RBFOX1: variants seen among roughly 807,000 people sequenced by gnomAD.
RBFOX1 encodes the protein RNA binding fox-1 homolog 1, also known as RNA binding protein fox-1 homolog 1.
Under a neutral mutation model 57.7 loss-of-function variants are expected in RBFOX1, and 8 were observed. The ratio of observed to expected loss-of-function variants is 0.14; its 90% CI spans 0.08 to 0.25. RBFOX1 has a LOEUF of 0.25. Among genes scored for constraint, RBFOX1 ranks in the 10% least tolerant of loss-of-function variants. The pLI, the probability that RBFOX1 is intolerant of heterozygous loss-of-function variation, is 1.00. For synonymous variants in RBFOX1, 326 were observed against 222.4 expected, an observed-to-expected ratio of 1.47 and a Z score of -4.15; for missense variants, 611 against 548.5, an observed-to-expected ratio of 1.11 and a Z score of -1.14.
intron 11 of RBFOX1, among the ~76,000 whole-genome samples, chr16:7,649,899 G>A (rs866104427): frequency 2.0e-5 from 3 of 151,988 alleles, no homozygotes; most frequent in Admixed American, 2.0e-4. Flanking sequence ...ATTCCAAAGT[G>A]ACTGAAAGGA....
chr16:7,700,838 G>C (rs1200643762), intron 14 of RBFOX1, among the ~76,000 whole-genome samples: 1 of 151,962 alleles, frequency 6.6e-6, no homozygotes, highest in East Asian at 1.9e-4. Context: ...TTCAGAATAG[G>C]AAGAGGTTTT....
chr16:6,992,438 G>C (rs904575411), intron 3 of RBFOX1, among the ~76,000 whole-genome samples: 2 of 152,002 alleles, frequency 1.3e-5, no homozygotes, highest in Non-Finnish European at 2.9e-5. Flanking sequence ...GGCTGGTCTT[G>C]AACTCTTGAT....
At chr16:5,964,831 T>C (rs2152292214) in intron 4 of RBFOX1, among the ~76,000 whole-genome samples, 1 of 152,208 alleles carries the variant, frequency 6.6e-6, no homozygotes, top group South Asian at 2.1e-4. Context: ...TATACACGTA[T>C]ATACACACAC....
intron 3 of RBFOX1, among the ~76,000 whole-genome samples, chr16:6,792,367 G>T (rs1298972669): frequency 6.6e-6 from 1 of 152,100 alleles, no homozygotes; most frequent in Non-Finnish European, 1.5e-5. Context: ...TTCTATAATT[G>T]CATATCTTTA....
At chr16:5,528,387 G>T (rs28371872) in intron 2 of RBFOX1, among the ~76,000 whole-genome samples, 55,591 of 151,602 alleles carry the variant, frequency 0.37, 11,609 homozygotes, top group East Asian at 0.85. Context: ...AGTATGTGTT[G>T]CACATTTACG....
chr16:6,929,470 T>G (rs56303681), intron 3 of RBFOX1, among the ~76,000 whole-genome samples: 9,905 of 152,188 alleles, frequency 0.065, 1,090 homozygotes, highest in African/African-American at 0.23. Flanking sequence ...TTTTCTGTAT[T>G]CTAAGCAGTT....
chr16:5,553,130 C>A (rs532257657), intron 2 of RBFOX1, among the ~76,000 whole-genome samples: 1 of 151,942 alleles, frequency 6.6e-6, no homozygotes, highest in South Asian at 2.1e-4. Context: ...CCGGGCCTGT[C>A]GAGGGGTGAC....
chr16:6,297,508 G>A (rs571020068), intron 1 of RBFOX1, among the ~76,000 whole-genome samples: 28 of 152,184 alleles, frequency 1.8e-4, no homozygotes, highest in East Asian at 9.7e-4. Flanking sequence ...CCTCTGAACC[G>A]AGTTTCCTGA....
At chr16:7,123,708 G>C (rs1360842381) in intron 4 of RBFOX1, among the ~76,000 whole-genome samples, 1 of 152,208 alleles carries the variant, frequency 6.6e-6, no homozygotes, top group East Asian at 1.9e-4. Context: ...TAGTTTAGGG[G>C]AAATATGGTG....
At chr16:7,290,400 G>C (rs1364676375) in intron 4 of RBFOX1, among the ~76,000 whole-genome samples, 2 of 152,146 alleles carry the variant, frequency 1.3e-5, no homozygotes. Flanking sequence ...TTTTTAACCA[G>C]GTGACCTTAA....
intron 3 of RBFOX1, among the ~76,000 whole-genome samples, chr16:7,006,179 TCTCA>T (rs1283152365): frequency 1.3e-5 from 2 of 151,938 alleles, no homozygotes; most frequent in Non-Finnish European, 2.9e-5. Flanking sequence ...TGAGATGGAG[TCTCA>T]CTCTGTTTGT....
intron 2 of RBFOX1, among the ~76,000 whole-genome samples, chr16:6,484,311 A>C (rs2095427580): frequency 6.6e-6 from 1 of 152,178 alleles, no homozygotes; most frequent in South Asian, 2.1e-4. Flanking sequence ...AAATGTGAGC[A>C]TATGCGCTGC....
At chr16:6,541,176 C>G (rs549424560) in intron 2 of RBFOX1, among the ~76,000 whole-genome samples, 2 of 152,168 alleles carry the variant, frequency 1.3e-5, no homozygotes, top group African/African-American at 4.8e-5. Flanking sequence ...AGAACTCTTT[C>G]ATTCTATGCG....
intron 3 of RBFOX1, among the ~76,000 whole-genome samples, chr16:6,900,372 C>G (rs1462453499): frequency 2.0e-5 from 3 of 152,204 alleles, no homozygotes; most frequent in South Asian, 2.1e-4. Context: ...TCTGTAACCT[C>G]TATCCATGCT....
At chr16:6,205,664 T>A (rs2097250424) in intron 1 of RBFOX1, among the ~76,000 whole-genome samples, 1 of 152,028 alleles carries the variant, frequency 6.6e-6, no homozygotes, top group Non-Finnish European at 1.5e-5. Flanking sequence ...ATATTTTGCT[T>A]CTCCTGACAC....
chr16:7,162,750 C>G (rs956297426), intron 4 of RBFOX1, among the ~76,000 whole-genome samples: 1 of 151,840 alleles, frequency 6.6e-6, no homozygotes, highest in Non-Finnish European at 1.5e-5. Flanking sequence ...ATCCAGATTT[C>G]ATGATTTCTA....
At chr16:7,447,039 C>T (rs552283367) in intron 4 of RBFOX1, among the ~76,000 whole-genome samples, 4 of 151,802 alleles carry the variant, frequency 2.6e-5, no homozygotes, top group South Asian at 4.2e-4. Flanking sequence ...GTCTTGATCT[C>T]ATGACCTTGT....
intron 4 of RBFOX1, among the ~76,000 whole-genome samples, chr16:7,197,034 T>C (rs1177668992): frequency 1.3e-5 from 2 of 152,196 alleles, no homozygotes; most frequent in African/African-American, 4.8e-5. Context: ...GTGCACACCA[T>C]AGCCATCTTT....
intron 3 of RBFOX1, among the ~76,000 whole-genome samples, chr16:6,946,746 A>C (rs548936852): frequency 6.6e-5 from 10 of 151,988 alleles, no homozygotes; most frequent in African/African-American, 2.2e-4. Context: ...GGGACTACAG[A>C]CTCACTCCAC....
Sources: gnomAD v4.1 joint callset for allele counts (sites outside exome capture counted in the v4.1 genomes callset) on GRCh38, gnomAD v4.1.1 for gene constraint, MANE v1.5 for transcripts, NCBI Gene and HGNC (gene_info 2026-07-23, HGNC 2026-07-21) for gene names.